CCDC60: variants seen among roughly 807,000 people sequenced by gnomAD.
The protein encoded by CCDC60 is coiled-coil domain containing 60.
A neutral mutation model predicts 63.5 loss-of-function variants in CCDC60; 54 were observed. The observed-to-expected ratio is 0.85, with a 90% CI of 0.68 to 1.07. The LOEUF (loss-of-function observed/expected upper bound fraction) is 1.07. Among genes scored for constraint, CCDC60 ranks in the 50% least tolerant of loss-of-function variants. The pLI, the probability that CCDC60 is intolerant of heterozygous loss-of-function variation, is 0.00. For missense variants in CCDC60, 651 were observed against 684.3 expected (o/e 0.95, Z 0.54); for synonymous variants, 206 against 238.8 (o/e 0.86, Z 1.27).
At chr12:119,514,862 T>C (rs1952313886) in intron 7 of CCDC60, among the ~76,000 whole-genome samples, 1 of 152,228 alleles carries the variant, frequency 6.6e-6, no homozygotes, top group Non-Finnish European at 1.5e-5. Flanking sequence ...AAGTACCCTA[T>C]ATAGGTGTAC....
intron 1 of CCDC60, among the ~76,000 whole-genome samples, chr12:119,378,398 C>G (rs748081397): frequency 1.3e-5 from 2 of 152,182 alleles, no homozygotes; most frequent in Non-Finnish European, 2.9e-5. Context: ...GATTTGGGGG[C>G]TGCCTTTTAT....
intron 7 of CCDC60, among the ~76,000 whole-genome samples, chr12:119,507,930 G>A (rs1805840024): frequency 6.6e-6 from 1 of 152,102 alleles, no homozygotes; most frequent in African/African-American, 2.4e-5. Flanking sequence ...TATTTTGGGA[G>A]GCCAAGGCAG....
At chr12:119,448,178 CAA>C (rs1015088853) in intron 2 of CCDC60, among the ~76,000 whole-genome samples, 6 of 132,948 alleles carry the variant, frequency 4.5e-5, no homozygotes, top group Non-Finnish European at 4.9e-5. Context: ...GTCTTATCAC[CAA>C]AAAAAAAAAA....
intron 1 of CCDC60, among the ~76,000 whole-genome samples, chr12:119,350,458 C>A (rs1228754722): frequency 6.6e-6 from 1 of 152,084 alleles, no homozygotes. Context: ...GTCTCAAACT[C>A]CTTACCTCAA....
intron 5 of CCDC60, among the ~76,000 whole-genome samples, chr12:119,495,695 CCCCCACA>C (rs1258548989): frequency 2.0e-5 from 3 of 152,082 alleles, no homozygotes; most frequent in Admixed American, 6.6e-5. Context: ...GGTACTCCTC[CCCCCACA>C]ACCAAGAAAA....
intron 2 of CCDC60, among the ~76,000 whole-genome samples, chr12:119,452,002 G>C (rs1164979040): frequency 6.6e-6 from 1 of 152,056 alleles, no homozygotes; most frequent in African/African-American, 2.4e-5. Context: ...ATAGCATTAG[G>C]TCCCCACAAT....
chr12:119,502,358 G>A (rs998789680), intron 6 of CCDC60, among the ~76,000 whole-genome samples: 1 of 152,210 alleles, frequency 6.6e-6, no homozygotes, highest in Admixed American at 6.5e-5. Context: ...CACAGAAAGT[G>A]TAAGGAACCT....
chr12:119,386,631 C>T (rs1211129461), intron 1 of CCDC60, among the ~76,000 whole-genome samples: 1 of 152,150 alleles, frequency 6.6e-6, no homozygotes. Context: ...CAGGTGGCAG[C>T]ATTCCAGCCT....
chr12:119,524,725 T>TC lies in CCDC60; in HGVS notation c.1229+907_1229+908insC, dbSNP rs201227099. 3.5e-3 allele frequency among the ~76,000 whole-genome samples: 506 copies of TC among 142,586 alleles called. 6 individuals are homozygous for TC. The highest frequency in any genetic ancestry group is 0.012 in the African/African-American group (465 of 37,398). 93.5% of individuals were successfully genotyped at this position (142,586 alleles called of 152,430 possible). A position where few individuals can be genotyped will look rare whatever the true frequency, so the allele number is the denominator to read the frequency against. On this transcript the variant is annotated intron_variant, in intron 11 of 13. Transcript: ENST00000327554. Reference sequence around the variant, plus strand: ...CAGTTTCTTTTCTTTTCTTTTCTTTTTTTTTTTTTTTTTTTGAGACAGGGT... The same window carrying TC: ...CAGTTTCTTTTCTTTTCTTTTCTTTTCTTTTTTTTTTTTTTTGAGACAGGGT...
chr12:119,403,826 CT>C lies in CCDC60; in HGVS notation c.91-24853del, dbSNP rs531339670. Among the ~76,000 whole-genome samples, 516 of 152,210 alleles carry C rather than the reference CT, an allele frequency of 3.4e-3. 1 individual carries two copies. The highest frequency in any genetic ancestry group is 0.012 in the African/African-American group (478 of 41,538). On this transcript the variant is annotated intron_variant, in intron 1 of 13. Coordinates refer to ENST00000327554, the MANE Select transcript of CCDC60 (RefSeq NM_178499.5). ...CTGGCACATCTTCCTCCTTCCTCTT[CT>C]TTTATTTATTTTTTCAATTGAAAAA...
chr12:119,480,651 C>G (rs1309879222), intron 4 of CCDC60, among the ~76,000 whole-genome samples: 6 of 151,582 alleles, frequency 4.0e-5, no homozygotes, highest in Non-Finnish European at 8.8e-5. Context: ...TCACCATCAT[C>G]ATCACCAGCA....
chr12:119,390,756 G>A (rs892536517), intron 1 of CCDC60, among the ~76,000 whole-genome samples: 1 of 152,232 alleles, frequency 6.6e-6, no homozygotes, highest in Non-Finnish European at 1.5e-5. Flanking sequence ...AGGTGACACA[G>A]ATGCTTCTAG....
intron 2 of CCDC60, among the ~76,000 whole-genome samples, chr12:119,436,486 T>C (rs1005756093): frequency 6.0e-5 from 9 of 150,908 alleles, no homozygotes; most frequent in Non-Finnish European, 1.2e-4. Flanking sequence ...ACTAGGAAAT[T>C]AGAGAACACA....
intron 2 of CCDC60, 132 bp from the exon 3 acceptor site, chr12:119,471,858 GTTTC>G: frequency 3.5e-6 from 2 of 566,482 alleles, no homozygotes; most frequent in Non-Finnish European, 5.8e-6. Flanking sequence ...ATTTCTACCT[GTTTC>G]TTTCTCTCTA....
chr12:119,476,166 A>G (rs1951173291), intron 3 of CCDC60, among the ~76,000 whole-genome samples: 1 of 152,166 alleles, frequency 6.6e-6, no homozygotes, highest in Non-Finnish European at 1.5e-5. Flanking sequence ...AATCAAGCAC[A>G]TCCCCAAAGA....
chr12:119,426,752 G>A (rs948054344), intron 1 of CCDC60, among the ~76,000 whole-genome samples: 1 of 152,132 alleles, frequency 6.6e-6, no homozygotes, highest in Non-Finnish European at 1.5e-5. Context: ...TGCCTTACAT[G>A]GGAACATGTA....
chr12:119,352,216 G>A (rs1178499697), intron 1 of CCDC60, among the ~76,000 whole-genome samples: 1 of 152,134 alleles, frequency 6.6e-6, no homozygotes, highest in Admixed American at 6.5e-5. Flanking sequence ...CAGCAAGGGG[G>A]AAATCCACCC....
In CCDC60 at chr12:119,427,369, T is replaced by C. The variant is rs572221630; in HGVS notation, c.91-1314T>C. Among the ~76,000 whole-genome samples, 4 of 152,382 alleles carry C rather than the reference T, an allele frequency of 2.6e-5. 1 individual carries two copies. In the South Asian group the frequency reaches 8.3e-4, roughly 32 times the overall value. ...GACTCAAAAAAATCAAACATCTTTA[T>C]ATATCAATAAACATACTTACATTAT... On this transcript the variant is annotated intron_variant, in intron 1 of 13. Transcript: ENST00000327554.
At chr12:119,417,891 G>A (rs546253559) in intron 1 of CCDC60, among the ~76,000 whole-genome samples, 8 of 152,000 alleles carry the variant, frequency 5.3e-5, no homozygotes, top group Admixed American at 1.3e-4. Flanking sequence ...CCCAAAGCAC[G>A]GCTTCCATAA....
Sources: allele counts gnomAD v4.1 joint callset (sites outside exome capture counted in the v4.1 genomes callset), GRCh38; gene constraint gnomAD v4.1.1; transcripts MANE v1.5; gene names NCBI Gene and HGNC (gene_info 2026-07-23, HGNC 2026-07-21).